STK31: variants seen among roughly 807,000 people sequenced by gnomAD.
The protein encoded by STK31 is serine/threonine-protein kinase 31.
STK31 carries 89 observed loss-of-function variants against 129.7 expected under a neutral mutation model. The ratio of observed to expected loss-of-function variants is 0.69; its 90% confidence interval spans 0.58 to 0.82. The LOEUF (loss-of-function observed/expected upper bound fraction) is 0.82, where lower values mean the gene tolerates loss of function less well. STK31 is among the 40% of genes least tolerant of loss of function. The pLI is 0.00. For synonymous variants in STK31, 448 were observed against 395.3 expected, an observed-to-expected ratio of 1.13 and a Z score of -1.58; for missense variants, 1,187 against 1,176.4, an observed-to-expected ratio of 1.01 and a Z score of -0.13.
intron 22 of STK31, among the ~76,000 whole-genome samples, chr7:23,806,893 C>G (rs1246383387): frequency 7.1e-6 from 1 of 139,968 alleles, no homozygotes; most frequent in African/African-American, 2.7e-5. Context: ...GAGCAAGACT[C>G]CGTCTCAGAA....
At chr7:23,756,827 C>T (rs1414121028) in intron 10 of STK31, among the ~76,000 whole-genome samples, 1 of 152,090 alleles carries the variant, frequency 6.6e-6, no homozygotes, top group Admixed American at 6.5e-5. Flanking sequence ...GCCTTGCGTC[C>T]CAGGGATGAA....
intron 22 of STK31, among the ~76,000 whole-genome samples, chr7:23,798,866 TCTC>T (rs1792183253): frequency 6.6e-6 from 1 of 152,070 alleles, no homozygotes; most frequent in Non-Finnish European, 1.5e-5. Flanking sequence ...CAGCCCAAAA[TCTC>T]CTTAAGCTGA....
intron 23 of STK31, among the ~76,000 whole-genome samples, chr7:23,818,847 A>G (rs940425233): frequency 2.6e-5 from 4 of 151,380 alleles, no homozygotes; most frequent in African/African-American, 9.7e-5. Context: ...TTGGTCTTGA[A>G]CTCTTGACCT....
intron 8 of STK31, among the ~76,000 whole-genome samples, chr7:23,740,841 C>G (rs543744730): frequency 3.4e-4 from 51 of 151,794 alleles, no homozygotes; most frequent in African/African-American, 1.2e-3. Flanking sequence ...TTTTTTTTGG[C>G]CAGGTGCTGT....
At position 23,719,720 on chromosome 7, in the gene STK31, A is replaced by G. The variant is rs1786573004; in HGVS notation, c.249+2141A>G. ...CTTCCATGAAAGTATCTTTCACATT[A>G]CTGAAATATCCTCACTTACTTGGGA... is the stretch of plus-strand genomic sequence containing the variant. On this transcript the variant is annotated intron_variant, in intron 4 of 23. Coordinates refer to ENST00000355870, the MANE Select transcript of STK31 (RefSeq NM_031414.5). 2.0e-5 allele frequency among the ~76,000 whole-genome samples: 3 copies of G among 152,156 alleles called. No individual in the cohort carries two copies. In the South Asian group the frequency reaches 6.2e-4, roughly 31 times the overall value.
chr7:23,731,751 C>T (rs1416656907), intron 6 of STK31, among the ~76,000 whole-genome samples: 1 of 152,140 alleles, frequency 6.6e-6, no homozygotes, highest in African/African-American at 2.4e-5. Context: ...ACATGCCTGA[C>T]TTTAAAAATT....
intron 23 of STK31, among the ~76,000 whole-genome samples, chr7:23,828,217 C>T (rs1231803942): frequency 6.7e-6 from 1 of 148,830 alleles, no homozygotes; most frequent in Non-Finnish European, 1.5e-5. Flanking sequence ...GCAGGGAGGC[C>T]TCTTTGAGCT....
At chr7:23,801,667 G>A (rs1290931857) in intron 22 of STK31, among the ~76,000 whole-genome samples, 34 of 152,094 alleles carry the variant, frequency 2.2e-4, no homozygotes. Context: ...AAGCTCTATA[G>A]TTGTATGGTT....
In STK31 at chr7:23,714,883, G is replaced by A. The variant is rs59509291; in HGVS notation, c.150+2597G>A. ...AATTCTGCCAACATAGTGCAAAGCA[G>A]CCATAGACATAATGTGAATGAGTGT... On this transcript the variant is annotated intron_variant, in intron 3 of 23. Coordinates refer to ENST00000355870, the MANE Select transcript of STK31 (RefSeq NM_031414.5). Among the ~76,000 whole-genome samples, 536 of 152,230 alleles carry A rather than the reference G, an allele frequency of 3.5e-3. 5 individuals are homozygous for A. Among genetic ancestry groups the A allele is most frequent in the African/African-American group, 0.012 (516 of 41,544 alleles).
intron 23 of STK31, among the ~76,000 whole-genome samples, chr7:23,818,879 C>A (rs1458184528): frequency 6.6e-6 from 1 of 152,198 alleles, no homozygotes; most frequent in Non-Finnish European, 1.5e-5. Context: ...CCTGCCTCAG[C>A]CTCCCAAAGT....
intron 11 of STK31, among the ~76,000 whole-genome samples, chr7:23,767,176 T>G (rs1323976757): frequency 6.6e-6 from 1 of 152,236 alleles, no homozygotes; most frequent in Non-Finnish European, 1.5e-5. Flanking sequence ...TCTGGGCCAT[T>G]GACACTGATT....
chr7:23,776,795 G>T (rs1790577696), intron 15 of STK31, among the ~76,000 whole-genome samples: 1 of 151,342 alleles, frequency 6.6e-6, no homozygotes, highest in African/African-American at 2.4e-5. Context: ...ATTTTTTTTT[G>T]AAGGGTTTTT....
rs564295650 is a variant in STK31 at position 23,774,435 on chromosome 7, C to A, written c.1965+2157C>A. Among the ~76,000 whole-genome samples the A allele has an allele frequency of 2.0e-5, 3 of 152,332 alleles. No homozygotes were observed. The East Asian group carries it at 5.8e-4, about 29-fold the overall frequency. Reference sequence around the variant, plus strand: ...TGTTCCTATTTCTCCACATCCTCCCCACTGTCTGTTGTTTCCTGACTTTTT... The same window carrying A: ...TGTTCCTATTTCTCCACATCCTCCCAACTGTCTGTTGTTTCCTGACTTTTT... On this transcript the variant is annotated intron_variant, in intron 15 of 23. Transcript: ENST00000355870.
chr7:23,789,994 T>C (rs1791518788), intron 21 of STK31, among the ~76,000 whole-genome samples: 1 of 152,178 alleles, frequency 6.6e-6, no homozygotes, highest in Non-Finnish European at 1.5e-5. Flanking sequence ...GGCCTTATAG[T>C]GCATACAACT....
In STK31 at chr7:23,735,721, GAA is replaced by G. The variant is rs746386632; in HGVS notation, c.674_675del (p.Lys225IlefsTer21). 8 of 1,613,646 alleles carry G rather than the reference GAA, an allele frequency of 5.0e-6. No individual in the cohort carries two copies. Among genetic ancestry groups the G allele is most frequent in the Non-Finnish European group, 6.8e-6 (8 of 1,179,958 alleles). On this transcript the variant is annotated frameshift_variant, in exon 7 of 24. Transcript: ENST00000355870. LOFTEE classifies it high-confidence loss of function. ...TGCTTCCAGAACTGACATCTGTGAG[GAA>G]AAAAAATTGGATCCTGGTCAACTTG... is the stretch of plus-strand genomic sequence containing the variant. ...RLASRTDICE[E>X]KKLDPGQLVL...
At chr7:23,748,857 A>G (rs911659081) in intron 8 of STK31, among the ~76,000 whole-genome samples, 3 of 152,236 alleles carry the variant, frequency 2.0e-5, no homozygotes, top group Admixed American at 6.5e-5. Context: ...TGTGGAATCT[A>G]AAGTTATACA....
chr7:23,718,753 G>A (rs556032373), intron 4 of STK31, among the ~76,000 whole-genome samples: 291 of 152,006 alleles, frequency 1.9e-3, no homozygotes, highest in African/African-American at 6.6e-3. Flanking sequence ...TCCTTTGATG[G>A]GCATTTGGAT....
chr7:23,794,386 C>G (rs781706598), intron 22 of STK31, among the ~76,000 whole-genome samples: 27 of 152,156 alleles, frequency 1.8e-4, no homozygotes, highest in Non-Finnish European at 2.9e-4. Context: ...CTGAGGAATC[C>G]CCAGTCATGC....
Position 23,737,023 on chromosome 7 carries a change from T to C in STK31, c.962T>C (p.Leu321Pro). 6.2e-7 allele frequency: 1 copy of C among 1,612,804 alleles called. No individual in the cohort carries two copies. Among genetic ancestry groups the C allele is most frequent in the Non-Finnish European group, 8.5e-7 (1 of 1,179,732 alleles). The change falls in exon 8 of 24, where the codon CTT becomes CCT. Residue 321 changes from leucine to proline, a missense_variant. Physicochemically the swap from Leu to Pro is moderately conservative, Grantham distance 98. Around this residue, in one of 5 missense-constraint regions of STK31, gnomAD observed 975 missense variants for 934.9 expected, o/e 1.04. Transcript: ENST00000355870. ...EKLKTEKDALLESYKALELKV... is the reference protein window; with the variant it reads ...EKLKTEKDALPESYKALELKV... ...CTTAAAACAGAGAAGGACGCTCTTC[T>C]TGAAAGTTATAAGGCGTTAGAATTG... is the stretch of plus-strand genomic sequence containing the variant.
Sources: allele counts gnomAD v4.1 joint callset (sites outside exome capture counted in the v4.1 genomes callset), GRCh38; gene constraint gnomAD v4.1.1; regional missense constraint gnomAD v4.1.1; transcripts MANE v1.5; gene names NCBI Gene and HGNC (gene_info 2026-07-23, HGNC 2026-07-21).